The following THADA variants were observed in gnomAD, a reference collection of about 807,000 sequenced individuals.
THADA encodes the protein THADA armadillo repeat containing, also known as tRNA (32-2'-O)-methyltransferase regulator THADA.
A neutral mutation model predicts 219.8 loss-of-function variants in THADA; 213 were observed. The ratio of observed to expected loss-of-function variants is 0.97; its 90% CI spans 0.87 to 1.09. The LOEUF (loss-of-function observed/expected upper bound fraction) is 1.09, where lower values mean the gene tolerates loss of function less well. Among genes scored for constraint, THADA ranks in the 50% least tolerant of loss-of-function variants. The probability of loss-of-function intolerance (pLI) is 0.00; values close to 1 mark genes in which losing one functional copy is unlikely to be tolerated. For synonymous variants in THADA, 1,018 were observed against 828.9 expected, an observed-to-expected ratio of 1.23 and a Z score of -3.92; for missense variants, 2,956 against 2,311.3, an observed-to-expected ratio of 1.28 and a Z score of -5.72.
chr2:43,246,873 T>G (rs540972160), intron 36 of THADA, among the ~76,000 whole-genome samples: 2 of 152,264 alleles, frequency 1.3e-5, no homozygotes, highest in Admixed American at 1.3e-4. Flanking sequence ...GGCCCTAGGC[T>G]GACGCTGAGT....
intron 36 of THADA, among the ~76,000 whole-genome samples, chr2:43,242,719 G>A (rs971991794): frequency 1.8e-4 from 28 of 152,280 alleles, no homozygotes; most frequent in Admixed American, 8.5e-4. Context: ...GAACTCATGA[G>A]CTCAAGTGAT....
chr2:43,264,251 T>C (rs143371840), intron 36 of THADA, among the ~76,000 whole-genome samples: 125 of 152,080 alleles, frequency 8.2e-4, no homozygotes, highest in Admixed American at 2.0e-3. Context: ...ATGTGAATAA[T>C]GACTTGCTGA....
intron 26 of THADA, among the ~76,000 whole-genome samples, chr2:43,457,886 C>T (rs958789608): frequency 6.6e-6 from 1 of 151,816 alleles, no homozygotes; most frequent in African/African-American, 2.4e-5. Context: ...ATCTACATAG[C>T]ACCAAACTAA....
intron 36 of THADA, among the ~76,000 whole-genome samples, chr2:43,241,442 G>A (rs1668610907): frequency 1.3e-5 from 2 of 150,946 alleles, no homozygotes; most frequent in South Asian, 4.2e-4. Context: ...TATATGCGGA[G>A]GCAGAATCCA....
Position 43,515,138 on chromosome 2 carries a change from A to G in THADA, c.3375-6358T>C. Among the ~76,000 whole-genome samples the G allele has an allele frequency of 1.1e-4, 2 of 17,774 alleles. 1 individual carries two copies. The highest frequency in any genetic ancestry group is 4.5e-4 in the African/African-American group (2 of 4,416). 11.7% of individuals were successfully genotyped at this position (17,774 alleles called of 152,430 possible). A position where few individuals can be genotyped will look rare whatever the true frequency, so the allele number is the denominator to read the frequency against. On this transcript the variant is annotated intron_variant, in intron 22 of 37. Coordinates refer to ENST00000405975, the MANE Select transcript of THADA (RefSeq NM_022065.5). ...ATATATAATATATTTTATATATAAT[A>G]TATAATATATTTTATATATTATATA...
In THADA at chr2:43,574,593, A is replaced by T; in HGVS notation, c.1472T>A (p.Val491Glu). 3 of 1,614,022 alleles carry T rather than the reference A, an allele frequency of 1.9e-6. No homozygotes were observed. The change falls in exon 11 of 38, where the codon GTA becomes GAA. Residue 491 changes from valine (V) to glutamate (E), a missense_variant. Physicochemically the swap from Val to Glu is moderately radical, Grantham distance 121. Coordinates refer to ENST00000405975, the MANE Select transcript of THADA (RefSeq NM_022065.5). The part of the protein sequence containing the change: ...ILEVMGDQSL[V>E]PYASDLLETM... ...TTCCAAGAGGTCACTTGCATAAGGT[A>T]CCAATGACTGGTCTCCCATCACCTC...
intron 22 of THADA, among the ~76,000 whole-genome samples, chr2:43,525,105 T>G (rs1376727912): frequency 6.6e-6 from 1 of 152,068 alleles, no homozygotes; most frequent in South Asian, 2.1e-4. Context: ...ACTCAACACA[T>G]AAAAAACAAA....
At chr2:43,594,708 G>A (rs1412214366) in intron 1 of THADA, among the ~76,000 whole-genome samples, 2 of 152,106 alleles carry the variant, frequency 1.3e-5, no homozygotes, top group African/African-American at 4.8e-5. Context: ...ACCATCTCAA[G>A]AGCTTTGTAC....
At chr2:43,453,895 T>C (rs1435363801) in intron 26 of THADA, among the ~76,000 whole-genome samples, 1 of 152,210 alleles carries the variant, frequency 6.6e-6, no homozygotes, top group East Asian at 1.9e-4. Context: ...GCATGCACTT[T>C]CTACATTTTG....
chr2:43,428,347 C>G (rs1408133606), intron 27 of THADA, 116 bp from the exon 28 acceptor site: 7 of 1,005,516 alleles, frequency 7.0e-6, no homozygotes, highest in Non-Finnish European at 9.8e-6. Context: ...GTGACTAATG[C>G]CTGTAATCCC....
At chr2:43,512,090 G>A (rs1011047236) in intron 22 of THADA, among the ~76,000 whole-genome samples, 11 of 152,118 alleles carry the variant, frequency 7.2e-5, no homozygotes, top group Non-Finnish European at 1.3e-4. Flanking sequence ...TGAAAACAGA[G>A]GCCAGAAGAA....
intron 36 of THADA, among the ~76,000 whole-genome samples, chr2:43,274,741 G>C (rs987836568): frequency 6.6e-6 from 1 of 151,944 alleles, no homozygotes; most frequent in African/African-American, 2.4e-5. Context: ...AGGAGAGAGG[G>C]ACCAGAACTA....
chr2:43,559,960 G>C (rs1231373843), intron 16 of THADA, among the ~76,000 whole-genome samples: 1 of 152,122 alleles, frequency 6.6e-6, no homozygotes, highest in East Asian at 1.9e-4. Flanking sequence ...CAATAATCTT[G>C]TAAACAATAA....
chr2:43,470,073 G>T (rs1032409533), intron 26 of THADA, among the ~76,000 whole-genome samples: 1 of 151,782 alleles, frequency 6.6e-6, no homozygotes, highest in African/African-American at 2.4e-5. Flanking sequence ...TAGCCAGGTG[G>T]GGTGGCACAC....
At chr2:43,581,626 C>A in intron 8 of THADA, 115 bp downstream of exon 8, 2 of 857,220 alleles carry the variant, frequency 2.3e-6, no homozygotes, top group East Asian at 3.0e-5. Flanking sequence ...TGAGTAAGGA[C>A]ACATTCCACA....
chr2:43,554,103 T>G (rs1452814980), intron 17 of THADA, among the ~76,000 whole-genome samples: 1 of 152,192 alleles, frequency 6.6e-6, no homozygotes, highest in East Asian at 1.9e-4. Context: ...ATACAATAGT[T>G]TTAAATTTTG....
intron 29 of THADA, among the ~76,000 whole-genome samples, chr2:43,352,248 T>C (rs1266782227): frequency 1.3e-5 from 2 of 152,218 alleles, no homozygotes; most frequent in African/African-American, 2.4e-5. Flanking sequence ...AAACTCTTAA[T>C]GTAGTAAAAC....
chr2:43,279,668 C>T, intron 36 of THADA, 97 bp downstream of exon 36: 1 of 1,427,974 alleles, frequency 7.0e-7, no homozygotes, highest in Non-Finnish European at 9.2e-7. Flanking sequence ...ACCAAATGAC[C>T]AACAATGCCT....
At chr2:43,270,004 T>C (rs1243963920) in intron 36 of THADA, among the ~76,000 whole-genome samples, 3 of 152,168 alleles carry the variant, frequency 2.0e-5, no homozygotes, top group Admixed American at 1.3e-4. Flanking sequence ...CTCAAGGCAG[T>C]GTTCCATCTT....
Sources: allele counts gnomAD v4.1 joint callset (sites outside exome capture counted in the v4.1 genomes callset), GRCh38; gene constraint gnomAD v4.1.1; transcripts MANE v1.5; gene names NCBI Gene and HGNC (gene_info 2026-07-23, HGNC 2026-07-21).